Variants in RBPMS2 observed in about 807,000 individuals in gnomAD.
RBPMS2 encodes the protein RNA-binding protein with multiple splicing 2.
In RBPMS2, 14 loss-of-function variants were observed where a neutral mutation model predicts 25.7. The ratio of observed to expected loss-of-function variants is 0.55; its 90% CI spans 0.36 to 0.85. The LOEUF (loss-of-function observed/expected upper bound fraction) is 0.85. RBPMS2 is among the 40% of genes least tolerant of loss of function. The probability of loss-of-function intolerance (pLI) is 0.01; values close to 1 mark genes in which losing one functional copy is unlikely to be tolerated. For synonymous variants in RBPMS2, 127 were observed against 115.6 expected (o/e 1.10, Z -0.63); for missense variants, 252 against 283.4 (o/e 0.89, Z 0.80).
rs1283931795 is a variant in RBPMS2, at chr15:64,749,149, C to A, written c.269G>T (p.Gly90Val). 6.2e-7 allele frequency: 1 copy of A among 1,613,986 alleles called. No homozygotes were observed. Among genetic ancestry groups the A allele is most frequent in the Non-Finnish European group, 8.5e-7 (1 of 1,180,024 alleles). ...TGGATTTTCGGGATCAAAGCGAATA[C>A]CCTACATGGGTAGAGAAAAGAAGAG... ...GAEAAKNALNGIRFDPENPQT... is the reference protein window; with the variant it reads ...GAEAAKNALNVIRFDPENPQT... Residue 90 changes from glycine to valine, a missense_variant and splice_region_variant, in exon 5 of 8, where the codon GGT becomes GTT. Gly to Val is a moderately radical substitution (Grantham distance 109). Coordinates refer to ENST00000300069, the MANE Select transcript of RBPMS2 (RefSeq NM_194272.3).
chr15:64,759,906 C>A (rs1215458900), intron 1 of RBPMS2, among the ~76,000 whole-genome samples: 1 of 152,186 alleles, frequency 6.6e-6, no homozygotes, highest in Non-Finnish European at 1.5e-5. Flanking sequence ...CTCCTGACCT[C>A]AAGTGATCTG....
intron 1 of RBPMS2, among the ~76,000 whole-genome samples, chr15:64,765,750 C>G (rs1447365765): frequency 6.6e-6 from 1 of 152,118 alleles, no homozygotes; most frequent in Non-Finnish European, 1.5e-5. Flanking sequence ...TCGAGACCAC[C>G]CTGGCCAACA....
At chr15:64,755,898 C>T (rs1004920722) in intron 1 of RBPMS2, among the ~76,000 whole-genome samples, 2 of 151,336 alleles carry the variant, frequency 1.3e-5, no homozygotes, top group African/African-American at 4.9e-5. Context: ...CCTCGGCTCA[C>T]CCCTTCCTCA....
chr15:64,748,460 A>T lies in RBPMS2; in HGVS notation c.526T>A (p.Tyr176Asn). The T allele has an allele frequency of 6.2e-7, 1 of 1,614,134 alleles. No homozygotes were observed. Among genetic ancestry groups the T allele is most frequent in the Non-Finnish European group, 8.5e-7 (1 of 1,180,016 alleles). The stretch of plus-strand genomic sequence containing the variant: ...GCGGCAGCGGCAGTGGCAGTTGGGT[A>T]GGTGAACGCAGCATGGGAGATGGCT... ...TPAISHAAFT[Y>N]PTATAAAAAL... The change falls in exon 6 of 8, where the codon TAC (tyrosine) becomes AAC (asparagine). Residue 176 changes from tyrosine (Y) to asparagine (N), a missense_variant. Physicochemically the swap from Tyr to Asn is moderately radical, Grantham distance 143 (BLOSUM62 -2). Transcript: ENST00000300069.
At chr15:64,765,059 T>C (rs944239988) in intron 1 of RBPMS2, among the ~76,000 whole-genome samples, 6 of 149,912 alleles carry the variant, frequency 4.0e-5, no homozygotes, top group African/African-American at 1.5e-4. Context: ...ACCCCGTCTC[T>C]ACTAAAAATA....
chr15:64,759,666 T>C (rs1197507182), intron 1 of RBPMS2, among the ~76,000 whole-genome samples: 6 of 152,070 alleles, frequency 3.9e-5, no homozygotes, highest in African/African-American at 1.4e-4. Flanking sequence ...CCTGTTTTTC[T>C]TTTTTTAATT....
chr15:64,764,039 T>C (rs1475233356), intron 1 of RBPMS2, among the ~76,000 whole-genome samples: 1 of 152,206 alleles, frequency 6.6e-6, no homozygotes, highest in African/African-American at 2.4e-5. Context: ...GAATGAGCTG[T>C]GCTTGCAAAC....
Position 64,775,266 on chromosome 15 carries a change from G to A in RBPMS2, c.54C>T (p.Ser18=), listed in dbSNP as rs1245610502. Reference sequence around the variant, plus strand: ...CCAGGGCGCCGCCGGAGCCCGCGCCGGAGCCGGTGCCGGTGCTGCCGCCGT... The same window carrying A: ...CCAGGGCGCCGCCGGAGCCCGCGCCAGAGCCGGTGCCGGTGCTGCCGCCGT... ...GEHGGSTGTG[S]GAGSGGALEE... Residue 18 remains serine, a synonymous_variant, in exon 1 of 8, where the codon TCC becomes TCT. Coordinates refer to ENST00000300069, the MANE Select transcript of RBPMS2 (RefSeq NM_194272.3). 1.4e-5 allele frequency: 19 copies of A among 1,340,008 alleles called. No individual in the cohort carries two copies. The highest frequency in any genetic ancestry group is 3.1e-5 in the African/African-American group (2 of 65,570). The allele number at this position is 1,340,008 out of a possible 1,614,324, so 83.0% of individuals were successfully genotyped here.
rs878869781 is a variant in RBPMS2 at position 64,748,300 on chromosome 15, A to C, written c.567+119T>G. The C allele has an allele frequency of 9.0e-6, 10 of 1,116,140 alleles. 1 individual carries two copies. In the South Asian group the frequency reaches 1.5e-4, roughly 17 times the overall value. The allele number at this position is 1,116,140 out of a possible 1,614,324, so 69.1% of individuals were successfully genotyped here. A position where few individuals can be genotyped will look rare whatever the true frequency, so the allele number is the denominator to read the frequency against. On this transcript the variant is annotated intron_variant, in intron 6 of 7. Coordinates refer to ENST00000300069, the MANE Select transcript of RBPMS2 (RefSeq NM_194272.3). ...TGGGGTCTGGGCTTTCAAACCATCA[A>C]GGAAGACAAGAGTTCTGCTGCAGCT...
At chr15:64,769,507 A>T (rs2083876587) in intron 1 of RBPMS2, among the ~76,000 whole-genome samples, 1 of 150,936 alleles carries the variant, frequency 6.6e-6, no homozygotes, top group Non-Finnish European at 1.5e-5. Context: ...AAAAATACAA[A>T]AAATTAGCCG....
chr15:64,768,619 C>T (rs1179652561), intron 1 of RBPMS2, among the ~76,000 whole-genome samples: 1 of 150,842 alleles, frequency 6.6e-6, no homozygotes, highest in Non-Finnish European at 1.5e-5. Context: ...GCCTGGGCAA[C>T]AAAGCAAGAC....
intron 6 of RBPMS2, among the ~76,000 whole-genome samples, chr15:64,744,793 GTTTTGTTTTTTTTTTTTT>G (rs1310410360): frequency 1.4e-3 from 82 of 57,804 alleles, no homozygotes; most frequent in African/African-American, 7.0e-3. Flanking sequence ...TTTTTGGTTT[GTTTTGTTTTTTTTTTTTT>G]TTTTTTTTTT....
intron 1 of RBPMS2, among the ~76,000 whole-genome samples, chr15:64,769,755 G>A (rs1372728811): frequency 6.6e-6 from 1 of 152,162 alleles, no homozygotes; most frequent in African/African-American, 2.4e-5. Flanking sequence ...GTGATAAAAG[G>A]CCCCTCCTGG....
chr15:64,751,741 A>G (rs2083683726), intron 1 of RBPMS2, 103 bp from the exon 2 acceptor site: 1 of 921,686 alleles, frequency 1.1e-6, no homozygotes, highest in Admixed American at 2.1e-5. Context: ...TAGAGCTTAG[A>G]GGAATTCAGC....
chr15:64,769,095 C>T (rs1179386947), intron 1 of RBPMS2, among the ~76,000 whole-genome samples: 1 of 86,282 alleles, frequency 1.2e-5, no homozygotes, highest in Non-Finnish European at 2.0e-5. Context: ...AGCAAGACTT[C>T]GTCTCAAAAA....
rs982786675 is a variant in RBPMS2 at position 64,744,186 on chromosome 15, T to C, written c.568-2944A>G. 1.1e-4 allele frequency among the ~76,000 whole-genome samples: 16 copies of C among 151,950 alleles called. No homozygotes were observed. In the South Asian group the frequency reaches 3.3e-3, roughly 32 times the overall value. ...ACCAAAGATATGGAAGCCTCACTTA[T>C]CCGAAATTAAAACATTTAACCCAGA... On this transcript the variant is annotated intron_variant, in intron 6 of 7. Coordinates refer to ENST00000300069, the MANE Select transcript of RBPMS2 (RefSeq NM_194272.3).
At chr15:64,768,164 T>C (rs2083862661) in intron 1 of RBPMS2, among the ~76,000 whole-genome samples, 1 of 152,196 alleles carries the variant, frequency 6.6e-6, no homozygotes, top group South Asian at 2.1e-4. Flanking sequence ...TGTGTGAAAG[T>C]AGTCACGCCC....
intron 1 of RBPMS2, among the ~76,000 whole-genome samples, chr15:64,752,200 A>G (rs1198042404): frequency 2.0e-5 from 3 of 152,038 alleles, no homozygotes; most frequent in Admixed American, 2.0e-4. Flanking sequence ...TGACCCCCCA[A>G]AAATGTACAT....
In RBPMS2 at chr15:64,740,230, T is replaced by C. The variant is rs867738617; in HGVS notation, c.*778A>G. On this transcript the variant is annotated 3_prime_UTR_variant, in exon 8 of 8. Transcript: ENST00000300069. ...TACGCACATGAAAAATCCTTTATGA[T>C]GCATAAATATTTTGTTACACAGGGT... is the stretch of plus-strand genomic sequence containing the variant. 1.1e-4 allele frequency: 17 copies of C among 152,312 alleles called. No individual in the cohort carries two copies. Among genetic ancestry groups the C allele is most frequent in the African/African-American group, 3.9e-4 (16 of 41,438 alleles). 9.4% of individuals were successfully genotyped at this position (152,312 alleles called of 1,614,324 possible).
Sources: gnomAD v4.1 joint callset for allele counts (sites outside exome capture counted in the v4.1 genomes callset) on GRCh38, gnomAD v4.1.1 for gene constraint, MANE v1.5 for transcripts, NCBI Gene and HGNC (gene_info 2026-07-23, HGNC 2026-07-21) for gene names.